Variants in TBX21 observed in about 807,000 individuals in gnomAD.
The protein encoded by TBX21 is T-box transcription factor TBX21.
In TBX21, 11 loss-of-function variants were observed where a neutral mutation model predicts 52.2. That is an observed-to-expected ratio of 0.21 (90% CI 0.13 to 0.35). The LOEUF (loss-of-function observed/expected upper bound fraction) is 0.35. Ranked by LOEUF, TBX21 falls within the 10% of genes least tolerant of loss-of-function variation. The pLI is 1.00. For synonymous variants in TBX21, 300 were observed against 316.1 expected, an observed-to-expected ratio of 0.95 and a Z score of 0.54; for missense variants, 625 against 755.1, an observed-to-expected ratio of 0.83 and a Z score of 2.02.
At chr17:47,737,111 G>A (rs920692146) in intron 1 of TBX21, among the ~76,000 whole-genome samples, 33 of 152,296 alleles carry the variant, frequency 2.2e-4, no homozygotes, top group Admixed American at 1.1e-3. Flanking sequence ...AGAACAAAAC[G>A]GTGGATTATC....
At chr17:47,741,675 C>T (rs923027188) in intron 1 of TBX21, among the ~76,000 whole-genome samples, 2 of 152,144 alleles carry the variant, frequency 1.3e-5, no homozygotes, top group Admixed American at 6.5e-5. Context: ...TGTGTTAGCA[C>T]TGTGAGAGCC....
In TBX21 at chr17:47,733,561, T is replaced by C; in HGVS notation, c.107T>C (p.Phe36Ser). 1 of 1,480,282 alleles carries C rather than the reference T, an allele frequency of 6.8e-7. No individual in the cohort carries two copies. Among genetic ancestry groups the C allele is most frequent in the South Asian group, 1.3e-5 (1 of 78,110 alleles). The allele number at this position is 1,480,282 out of a possible 1,614,324, so 91.7% of individuals were successfully genotyped here. A position where few individuals can be genotyped will look rare whatever the true frequency, so the allele number is the denominator to read the frequency against. ...GGCGCCGACCCGCAGCACCGCTACT[T>C]CTACCCGGAGCCGGGCGCGCAGGAC... ...APGADPQHRYFYPEPGAQDAD... is the reference protein window; with the variant it reads ...APGADPQHRYSYPEPGAQDAD... Residue 36 changes from phenylalanine (F) to serine (S), a missense_variant, in exon 1 of 6, where the codon TTC (phenylalanine) becomes TCC (serine). Around this residue, in one of 4 missense-constraint regions of TBX21, gnomAD observed 221 missense variants for 204.9 expected, o/e 1.08. Coordinates refer to ENST00000177694, the MANE Select transcript of TBX21 (RefSeq NM_013351.2). The surrounding 1 kb of genome is among the most constrained non-coding windows in gnomAD (Gnocchi z 6.6).
intron 5 of TBX21, 28 bp from the exon 6 acceptor site, chr17:47,744,720 C>T (rs566573174): frequency 1.7e-5 from 28 of 1,601,132 alleles, no homozygotes; most frequent in South Asian, 1.4e-4. Context: ...GCTTGTGACC[C>T]GTTTTCTTGC....
chr17:47,737,798 G>A (rs772985659), intron 1 of TBX21, among the ~76,000 whole-genome samples: 5 of 151,562 alleles, frequency 3.3e-5, no homozygotes, highest in Non-Finnish European at 7.4e-5. Flanking sequence ...GCTAATTTAT[G>A]TATTTTTAGT....
chr17:47,741,120 G>T lies in TBX21; in HGVS notation c.492-1490G>T, dbSNP rs547387881. ...GAGAAAGGCTAAGCCATTGGAGCTG[G>T]TGATGGAATTGGTGCTGGTGGAGGT... On this transcript the variant is annotated intron_variant, in intron 1 of 5. Coordinates refer to ENST00000177694, the MANE Select transcript of TBX21 (RefSeq NM_013351.2). 2.6e-5 allele frequency among the ~76,000 whole-genome samples: 4 copies of T among 152,324 alleles called. No individual in the cohort carries two copies. The South Asian group carries it at 8.3e-4, about 32-fold the overall frequency.
chr17:47,738,857 T>C (rs1424268818), intron 1 of TBX21, among the ~76,000 whole-genome samples: 1 of 152,192 alleles, frequency 6.6e-6, no homozygotes, highest in Non-Finnish European at 1.5e-5. Context: ...TGCCTCGGCC[T>C]CCCAAAGTGC....
Position 47,742,777 on chromosome 17 carries a change from CT to C in TBX21, c.646+14del, listed in dbSNP as rs2032281477. On this transcript the variant is annotated intron_variant, in intron 2 of 5. Coordinates refer to ENST00000177694, the MANE Select transcript of TBX21 (RefSeq NM_013351.2). The surrounding 1 kb of genome is among the most constrained non-coding windows in gnomAD (Gnocchi z 4.4). ...GGCAGCATGCCAGGTGCGCGCGCCCCTGGGAGCGGTGGGCTCTGTTTCGCTG... is the reference window on the plus strand; with the variant it reads ...GGCAGCATGCCAGGTGCGCGCGCCCCGGGAGCGGTGGGCTCTGTTTCGCTG... The C allele has an allele frequency of 1.3e-6, 2 of 1,554,300 alleles. No individual in the cohort carries two copies. Among genetic ancestry groups the C allele is most frequent in the Non-Finnish European group, 1.7e-6 (2 of 1,148,716 alleles).
At chr17:47,735,490 G>A (rs975422584) in intron 1 of TBX21, among the ~76,000 whole-genome samples, 3 of 152,174 alleles carry the variant, frequency 2.0e-5, no homozygotes, top group African/African-American at 7.2e-5. Context: ...GGACCCAGAA[G>A]ATCCTGTCCC....
At chr17:47,740,787 T>G (rs925691673) in intron 1 of TBX21, among the ~76,000 whole-genome samples, 2 of 152,158 alleles carry the variant, frequency 1.3e-5, no homozygotes, top group African/African-American at 4.8e-5. Flanking sequence ...AGGGTAGTAA[T>G]CTATTTTTCT....
At chr17:47,736,870 TC>T (rs1025144156) in intron 1 of TBX21, among the ~76,000 whole-genome samples, 15 of 152,150 alleles carry the variant, frequency 9.9e-5, no homozygotes, top group Admixed American at 2.0e-4. Flanking sequence ...TGAAAGGTTC[TC>T]CCACCTCAGG....
chr17:47,734,554 GGTGTGT>G (rs55690005), intron 1 of TBX21, among the ~76,000 whole-genome samples: 5,965 of 102,822 alleles, frequency 0.058, 96 homozygotes, highest in African/African-American at 0.086. Context: ...TCATATGTCT[GGTGTGT>G]GTGTGTGTGT....
rs145872131 is a variant in TBX21 at position 47,744,257 on chromosome 17, C to T, written c.831C>T (p.Asp277=). ...GGCTGCATATCGTTGAGGTGAACGA[C>T]GGAGAGCCAGAGGCAGCCTGCAACG... ...QPRLHIVEVN[D]GEPEAACNAS... Residue 277 remains aspartate, a synonymous_variant, in exon 4 of 6, where the codon GAC becomes GAT. Coordinates refer to ENST00000177694, the MANE Select transcript of TBX21 (RefSeq NM_013351.2). 5.2e-4 allele frequency: 845 copies of T among 1,614,210 alleles called. 6 individuals carry two copies. The East Asian group carries it at 0.011, about 22-fold the overall frequency.
intron 1 of TBX21, among the ~76,000 whole-genome samples, chr17:47,738,751 C>A (rs1404351015): frequency 6.6e-6 from 1 of 152,168 alleles, no homozygotes; most frequent in Non-Finnish European, 1.5e-5. Flanking sequence ...CCGGCATGCA[C>A]CACCACGCCT....
chr17:47,742,829 A>C lies in TBX21; in HGVS notation c.646+65A>C, dbSNP rs1597985360. ...GGACTGGGCGCCCCCTGGTGGGCCCACCAAGCCCCTACCCCTAATTCCTAG... is the reference window on the plus strand; with the variant it reads ...GGACTGGGCGCCCCCTGGTGGGCCCCCCAAGCCCCTACCCCTAATTCCTAG... On this transcript the variant is annotated intron_variant, in intron 2 of 5. Coordinates refer to ENST00000177694, the MANE Select transcript of TBX21 (RefSeq NM_013351.2). This position sits in a 1 kb window ranked among gnomAD's most constrained non-coding sequence, Gnocchi z 4.4. 1.3e-6 allele frequency: 2 copies of C among 1,505,600 alleles called. No homozygotes were observed. The highest frequency in any genetic ancestry group is 1.8e-6 in the Non-Finnish European group (2 of 1,125,762). 93.3% of individuals were successfully genotyped at this position (1,505,600 alleles called of 1,614,324 possible). A position where few individuals can be genotyped will look rare whatever the true frequency, so the allele number is the denominator to read the frequency against.
Position 47,733,434 on chromosome 17 carries a change from G to A in TBX21, c.-21G>A. 6.8e-7 allele frequency: 1 copy of A among 1,471,484 alleles called. No individual in the cohort carries two copies. The allele number at this position is 1,471,484 out of a possible 1,614,324, so 91.2% of individuals were successfully genotyped here. On this transcript the variant is annotated 5_prime_UTR_variant, in exon 1 of 6. Transcript: ENST00000177694. This position sits in a 1 kb window ranked among gnomAD's most constrained non-coding sequence, Gnocchi z 6.6. Reference sequence around the variant, plus strand: ...AGGGGCGGGTCCTCGACGGCTACGGGAAGGTGCCAGCCCGCCCCGGATGGG... The same window carrying A: ...AGGGGCGGGTCCTCGACGGCTACGGAAAGGTGCCAGCCCGCCCCGGATGGG...
Position 47,733,518 on chromosome 17 carries a change from G to T in TBX21, c.64G>T (p.Asp22Tyr). Residue 22 changes from aspartate to tyrosine, a missense_variant, in exon 1 of 6, where the codon GAC becomes TAC. By Grantham distance (160) the Asp-to-Tyr change is radical. Transcript: ENST00000177694. This position sits in a 1 kb window ranked among gnomAD's most constrained non-coding sequence, Gnocchi z 6.6. ...LTGTEPMPGS[D>Y]EGRAPGADPQ... Reference sequence around the variant, plus strand: ...GGGCACCGAGCCGATGCCGGGGAGCGACGAGGGCCGGGCGCCTGGCGCCGA... The same window carrying T: ...GGGCACCGAGCCGATGCCGGGGAGCTACGAGGGCCGGGCGCCTGGCGCCGA... 2.7e-6 allele frequency: 4 copies of T among 1,493,436 alleles called. No individual in the cohort carries two copies. In the South Asian group the frequency reaches 3.8e-5, roughly 14 times the overall value. The allele number at this position is 1,493,436 out of a possible 1,614,324, so 92.5% of individuals were successfully genotyped here. A position where few individuals can be genotyped will look rare whatever the true frequency, so the allele number is the denominator to read the frequency against.
At position 47,745,625 on chromosome 17, in the gene TBX21, G is replaced by A. The variant is rs2032325665; in HGVS notation, c.*259G>A. On this transcript the variant is annotated 3_prime_UTR_variant, in exon 6 of 6. Coordinates refer to ENST00000177694, the MANE Select transcript of TBX21 (RefSeq NM_013351.2). ...AGTCGTTTACCTGGTGCTGCGTCTTGCTTTTGGTTTCCAGCTGGAGAAAAG... is the reference window on the plus strand; with the variant it reads ...AGTCGTTTACCTGGTGCTGCGTCTTACTTTTGGTTTCCAGCTGGAGAAAAG... 4.9e-6 allele frequency: 2 copies of A among 405,880 alleles called. No individual in the cohort carries two copies. Among genetic ancestry groups the A allele is most frequent in the Non-Finnish European group, 4.3e-6 (1 of 231,860 alleles). 25.1% of individuals were successfully genotyped at this position (405,880 alleles called of 1,614,324 possible).
chr17:47,739,486 C>T (rs1395318833), intron 1 of TBX21, among the ~76,000 whole-genome samples: 11 of 150,930 alleles, frequency 7.3e-5, no homozygotes, highest in Admixed American at 4.0e-4. Context: ...TGGCCTGGCG[C>T]GGTGGCTCAC....
chr17:47,733,433 G>A lies in TBX21; in HGVS notation c.-22G>A. The A allele has an allele frequency of 6.8e-7, 1 of 1,471,392 alleles. No homozygotes were observed. The highest frequency in any genetic ancestry group is 1.3e-5 in the South Asian group (1 of 77,236). 91.1% of individuals were successfully genotyped at this position (1,471,392 alleles called of 1,614,324 possible). ...GAGGGGCGGGTCCTCGACGGCTACGGGAAGGTGCCAGCCCGCCCCGGATGG... is the reference window on the plus strand; with the variant it reads ...GAGGGGCGGGTCCTCGACGGCTACGAGAAGGTGCCAGCCCGCCCCGGATGG... On this transcript the variant is annotated 5_prime_UTR_variant, in exon 1 of 6. Coordinates refer to ENST00000177694, the MANE Select transcript of TBX21 (RefSeq NM_013351.2). This position sits in a 1 kb window ranked among gnomAD's most constrained non-coding sequence, Gnocchi z 6.6.
Sources: gnomAD v4.1 joint callset for allele counts (sites outside exome capture counted in the v4.1 genomes callset) on GRCh38, gnomAD v4.1.1 for gene constraint, gnomAD v4.1.1 regional missense constraint, Gnocchi (gnomAD v3.1) non-coding constraint, MANE v1.5 for transcripts, NCBI Gene and HGNC (gene_info 2026-07-23, HGNC 2026-07-21) for gene names.